The following SNTG1 variants were observed in gnomAD, a reference collection of about 807,000 sequenced individuals.
SNTG1 encodes the protein syntrophin gamma 1, also known as gamma-1-syntrophin.
A neutral mutation model predicts 74.7 loss-of-function variants in SNTG1; 39 were observed. That is an observed-to-expected ratio of 0.52 (90% CI 0.40 to 0.68). The LOEUF is 0.68. Ranked by LOEUF, SNTG1 falls within the 30% of genes least tolerant of loss-of-function variation. The pLI is 0.00. For missense variants in SNTG1, 685 were observed against 609.5 expected (o/e 1.12, Z -1.30); for synonymous variants, 254 against 217.1 (o/e 1.17, Z -1.49).
In SNTG1 at chr8:50,691,493, A is replaced by C. The variant is rs867027976; in HGVS notation, c.1039-13107A>C. Reference sequence around the variant, plus strand: ...TGTTTGTCTGTAAAGTATTTTATTTATCCTTCAGTTATGAAGCTTAGTTTG... The same window carrying C: ...TGTTTGTCTGTAAAGTATTTTATTTCTCCTTCAGTTATGAAGCTTAGTTTG... On this transcript the variant is annotated intron_variant, in intron 15 of 18. Coordinates refer to ENST00000642720, the MANE Select transcript of SNTG1 (RefSeq NM_018967.5). Among the ~76,000 whole-genome samples the C allele has an allele frequency of 2.2e-4, 33 of 152,218 alleles. 1 individual carries two copies. Among genetic ancestry groups the C allele is most frequent in the African/African-American group, 7.0e-4 (29 of 41,546 alleles).
At chr8:50,246,815 C>T (rs1426868875) in intron 2 of SNTG1, among the ~76,000 whole-genome samples, 1 of 152,194 alleles carries the variant, frequency 6.6e-6, no homozygotes, top group African/African-American at 2.4e-5. Context: ...ATGTCATCCT[C>T]TTGACTGGTC....
At chr8:50,761,134 G>T (rs544740983) in intron 18 of SNTG1, among the ~76,000 whole-genome samples, 50 of 151,932 alleles carry the variant, frequency 3.3e-4, no homozygotes, top group Non-Finnish European at 6.6e-4. Flanking sequence ...TAAGATACCG[G>T]CAAACCGAAT....
chr8:50,433,813 A>G (rs2093270382), intron 4 of SNTG1, among the ~76,000 whole-genome samples: 1 of 152,198 alleles, frequency 6.6e-6, no homozygotes, highest in African/African-American at 2.4e-5. Context: ...TTGGAGGAAA[A>G]AAGTCGAGGG....
At chr8:50,007,237 T>C (rs2130520473) in intron 1 of SNTG1, among the ~76,000 whole-genome samples, 1 of 152,240 alleles carries the variant, frequency 6.6e-6, no homozygotes, top group Non-Finnish European at 1.5e-5. Flanking sequence ...TGGATGTCCT[T>C]CCACTGTTGC....
chr8:50,756,113 T>A (rs1427514087), intron 18 of SNTG1, among the ~76,000 whole-genome samples: 2 of 143,030 alleles, frequency 1.4e-5, no homozygotes, highest in Non-Finnish European at 3.1e-5. Flanking sequence ...TGTTTTGATA[T>A]CATTGAGTTT....
intron 17 of SNTG1, among the ~76,000 whole-genome samples, chr8:50,744,403 A>C (rs892259312): frequency 2.0e-5 from 3 of 152,012 alleles, no homozygotes; most frequent in Non-Finnish European, 4.4e-5. Flanking sequence ...TGTATACTAA[A>C]ATCTACAGAA....
intron 2 of SNTG1, among the ~76,000 whole-genome samples, chr8:50,389,857 T>C (rs556912685): frequency 6.6e-6 from 1 of 152,386 alleles, no homozygotes; most frequent in South Asian, 2.1e-4. Context: ...TTTTTTCATG[T>C]GCCTTTTGGC....
chr8:50,420,107 G>A (rs1002263713), intron 4 of SNTG1, among the ~76,000 whole-genome samples: 1 of 152,018 alleles, frequency 6.6e-6, no homozygotes, highest in Non-Finnish European at 1.5e-5. Context: ...CAGACTCAGA[G>A]TATTTAAAAA....
intron 18 of SNTG1, among the ~76,000 whole-genome samples, chr8:50,788,086 A>C (rs1480461390): frequency 6.6e-6 from 1 of 152,090 alleles, no homozygotes; most frequent in East Asian, 1.9e-4. Context: ...CACAATAATG[A>C]CATAAGTAAA....
intron 8 of SNTG1, among the ~76,000 whole-genome samples, chr8:50,491,768 G>C (rs1007941491): frequency 2.0e-4 from 31 of 151,920 alleles, no homozygotes; most frequent in Non-Finnish European, 3.2e-4. Context: ...TGTGTGGAAA[G>C]TGCAGGTTTG....
rs150282266 is a variant in SNTG1, at chr8:50,393,706, C to G, written c.-27-506C>G. On this transcript the variant is annotated intron_variant, in intron 2 of 18. Coordinates refer to ENST00000642720, the MANE Select transcript of SNTG1 (RefSeq NM_018967.5). ...ATTCACTCTGACAAATAGCTTGCTTCCTTACATCATATTGTGAATAAAATT... is the reference window on the plus strand; with the variant it reads ...ATTCACTCTGACAAATAGCTTGCTTGCTTACATCATATTGTGAATAAAATT... Among the ~76,000 whole-genome samples, 604 of 152,244 alleles carry G rather than the reference C, an allele frequency of 4.0e-3. 5 individuals are homozygous for G. Among genetic ancestry groups the G allele is most frequent in the South Asian group, 0.031 (150 of 4,824 alleles).
chr8:50,453,346 G>A (rs1055034533), intron 8 of SNTG1, among the ~76,000 whole-genome samples: 4 of 152,118 alleles, frequency 2.6e-5, no homozygotes, highest in African/African-American at 7.2e-5. Flanking sequence ...TTTCTCATGG[G>A]ACCAGTACGG....
At chr8:50,772,164 G>A (rs2095628828) in intron 18 of SNTG1, among the ~76,000 whole-genome samples, 1 of 152,054 alleles carries the variant, frequency 6.6e-6, no homozygotes. Flanking sequence ...CCAACACCAT[G>A]TAATGCCCAC....
intron 2 of SNTG1, among the ~76,000 whole-genome samples, chr8:50,285,040 C>T (rs1382181415): frequency 6.6e-6 from 1 of 151,918 alleles, no homozygotes; most frequent in Non-Finnish European, 1.5e-5. Context: ...CATTTGTGTG[C>T]TTTTATTACA....
rs138722149 is a variant in SNTG1 at position 50,502,924 on chromosome 8, A to T, written c.466+44A>T. The stretch of plus-strand genomic sequence containing the variant: ...TAGATAAAAGTGCTCACATCATTAT[A>T]GTTACATAATTATTATTTTGACAAT... On this transcript the variant is annotated intron_variant, in intron 9 of 18. Coordinates refer to ENST00000642720, the MANE Select transcript of SNTG1 (RefSeq NM_018967.5). 455 of 1,408,828 alleles carry T rather than the reference A, an allele frequency of 3.2e-4. 5 individuals carry two copies. In the East Asian group the frequency reaches 9.7e-3, roughly 30 times the overall value. 87.3% of individuals were successfully genotyped at this position (1,408,828 alleles called of 1,614,324 possible).
At chr8:49,949,924 C>T (rs189896317) in intron 1 of SNTG1, among the ~76,000 whole-genome samples, 4 of 152,276 alleles carry the variant, frequency 2.6e-5, no homozygotes, top group East Asian at 1.9e-4. Flanking sequence ...CCTGGGAGTT[C>T]GAGACCAGCC....
chr8:50,226,567 T>C (rs762971771), intron 2 of SNTG1, among the ~76,000 whole-genome samples: 15 of 152,230 alleles, frequency 9.9e-5, no homozygotes, highest in Non-Finnish European at 1.9e-4. Context: ...ATCTTTTATC[T>C]TAACCTGAAC....
At chr8:50,487,045 C>T (rs1049119518) in intron 8 of SNTG1, among the ~76,000 whole-genome samples, 9 of 152,096 alleles carry the variant, frequency 5.9e-5, no homozygotes, top group South Asian at 2.1e-4. Flanking sequence ...CTGCTGGATT[C>T]GGTTTGCCAG....
chr8:50,174,082 G>A (rs2082906052), intron 2 of SNTG1, among the ~76,000 whole-genome samples: 1 of 152,200 alleles, frequency 6.6e-6, no homozygotes, highest in African/African-American at 2.4e-5. Context: ...ATGAGAACAT[G>A]CGGTGTTTGG....
Sources: gnomAD v4.1 joint callset for allele counts (sites outside exome capture counted in the v4.1 genomes callset) on GRCh38, gnomAD v4.1.1 for gene constraint, MANE v1.5 for transcripts, NCBI Gene and HGNC (gene_info 2026-07-23, HGNC 2026-07-21) for gene names.